TNIK: variants seen among roughly 807,000 people sequenced by gnomAD.
The protein encoded by TNIK is TRAF2 and NCK-interacting protein kinase.
Under a neutral mutation model 191.3 loss-of-function variants are expected in TNIK, and 49 were observed. That is an observed-to-expected ratio of 0.26 (90% confidence interval 0.20 to 0.32). The LOEUF (loss-of-function observed/expected upper bound fraction) is 0.32. Among genes scored for constraint, TNIK ranks in the 10% least tolerant of loss-of-function variants. The pLI, the probability that TNIK is intolerant of heterozygous loss-of-function variation, is 1.00. For missense variants in TNIK, 1,155 were observed against 1,702.3 expected, an observed-to-expected ratio of 0.68 and a Z score of 5.66; for synonymous variants, 594 against 600.9, an observed-to-expected ratio of 0.99 and a Z score of 0.17.
At chr3:171,421,793 G>A (rs915125037) in intron 1 of TNIK, among the ~76,000 whole-genome samples, 17 of 134,898 alleles carry the variant, frequency 1.3e-4, no homozygotes, top group East Asian at 4.6e-4. Context: ...CTACAATGGC[G>A]CAATCTCAGC....
chr3:171,420,265 T>C (rs949600725), intron 1 of TNIK, among the ~76,000 whole-genome samples: 5 of 152,222 alleles, frequency 3.3e-5, no homozygotes, highest in Non-Finnish European at 7.3e-5. Flanking sequence ...TTCAAGCATC[T>C]AGTCCTAAAC....
intron 15 of TNIK, among the ~76,000 whole-genome samples, chr3:171,135,473 C>T (rs1417694016): frequency 6.6e-6 from 1 of 152,212 alleles, no homozygotes; most frequent in African/African-American, 2.4e-5. Flanking sequence ...CTTCTATCAA[C>T]TAAATGTTTC....
At chr3:171,349,196 C>T (rs1712743825) in intron 2 of TNIK, among the ~76,000 whole-genome samples, 7 of 152,112 alleles carry the variant, frequency 4.6e-5, no homozygotes. Flanking sequence ...CCAGAACTTC[C>T]ACCACCAATC....
chr3:171,169,883 G>C (rs1343974305), intron 9 of TNIK, among the ~76,000 whole-genome samples: 1 of 152,190 alleles, frequency 6.6e-6, no homozygotes, highest in South Asian at 2.1e-4. Context: ...TACAAAGCTG[G>C]TAATATATTT....
At chr3:171,421,460 C>A (rs1003177079) in intron 1 of TNIK, among the ~76,000 whole-genome samples, 4 of 152,198 alleles carry the variant, frequency 2.6e-5, no homozygotes, top group Admixed American at 2.0e-4. Flanking sequence ...TATAAGGGAG[C>A]TGTGATCCAA....
At chr3:171,085,948 C>A (rs1055208509) in intron 24 of TNIK, among the ~76,000 whole-genome samples, 1 of 152,084 alleles carries the variant, frequency 6.6e-6, no homozygotes, top group African/African-American at 2.4e-5. Flanking sequence ...AACATGATGT[C>A]AGAAGGAGAT....
intron 1 of TNIK, among the ~76,000 whole-genome samples, chr3:171,421,875 G>T (rs1054801628): frequency 1.3e-5 from 2 of 151,778 alleles, no homozygotes; most frequent in Non-Finnish European, 1.5e-5. Context: ...GGGACTACAG[G>T]TGCGTGACAT....
At chr3:171,148,008 C>T (rs1731874669) in intron 12 of TNIK, among the ~76,000 whole-genome samples, 1 of 151,916 alleles carries the variant, frequency 6.6e-6, no homozygotes, top group Admixed American at 6.6e-5. Context: ...CCATAGCTTT[C>T]CCAATGTTCT....
rs763128631 is a variant in TNIK, at chr3:171,087,550, A to T, written c.2722-44T>A. On this transcript the variant is annotated intron_variant, in intron 23 of 32. Coordinates refer to ENST00000436636, the MANE Select transcript of TNIK (RefSeq NM_015028.4). ...TGGGAGGAGTTAGAGAGGGGGGAAA[A>T]AGGCCACAGAGTGACATCAGCCCTC... is the stretch of plus-strand genomic sequence containing the variant. 7 of 1,600,114 alleles carry T rather than the reference A, an allele frequency of 4.4e-6. No homozygotes were observed. In the African/African-American group the frequency reaches 9.4e-5, roughly 21 times the overall value.
chr3:171,218,526 A>AG (rs1741739324), intron 3 of TNIK, among the ~76,000 whole-genome samples: 1 of 148,938 alleles, frequency 6.7e-6, no homozygotes, highest in Non-Finnish European at 1.5e-5. Flanking sequence ...AATTGGAATG[A>AG]GTTTTTTTTT....
intron 1 of TNIK, among the ~76,000 whole-genome samples, chr3:171,373,843 C>T (rs983725754): frequency 1.3e-5 from 2 of 152,180 alleles, no homozygotes; most frequent in Non-Finnish European, 2.9e-5. Context: ...TTGCTGCCTC[C>T]TTTCTGAAGC....
intron 1 of TNIK, among the ~76,000 whole-genome samples, chr3:171,412,154 C>A (rs1194530956): frequency 6.6e-6 from 1 of 152,130 alleles, no homozygotes; most frequent in African/African-American, 2.4e-5. Flanking sequence ...GCAGTTCGTC[C>A]CTGTTCAAGA....
chr3:171,108,462 A>T (rs1725323916), intron 19 of TNIK, among the ~76,000 whole-genome samples: 1 of 152,212 alleles, frequency 6.6e-6, no homozygotes, highest in Non-Finnish European at 1.5e-5. Context: ...CATGTCAATT[A>T]TCTCATTTAA....
intron 1 of TNIK, among the ~76,000 whole-genome samples, chr3:171,381,719 G>C (rs1718052953): frequency 6.6e-6 from 1 of 152,162 alleles, no homozygotes; most frequent in East Asian, 1.9e-4. Flanking sequence ...CTGGCCAATG[G>C]TATGTAAGCA....
At chr3:171,121,690 T>C (rs1576884886) in intron 18 of TNIK, among the ~76,000 whole-genome samples, 1 of 152,232 alleles carries the variant, frequency 6.6e-6, no homozygotes, top group Non-Finnish European at 1.5e-5. Context: ...GTGATTATAT[T>C]GTGCAGCAAA....
At chr3:171,248,610 G>A (rs932242856) in intron 2 of TNIK, among the ~76,000 whole-genome samples, 1 of 152,180 alleles carries the variant, frequency 6.6e-6, no homozygotes, top group African/African-American at 2.4e-5. Flanking sequence ...GGGTGTGAGG[G>A]AGTACAGGCT....
chr3:171,167,270 C>A lies in TNIK; in HGVS notation c.774G>T (p.Trp258Cys). The A allele has an allele frequency of 1.2e-6, 2 of 1,609,990 alleles. No individual in the cohort carries two copies. The highest frequency in any genetic ancestry group is 1.7e-5 in the Admixed American group (1 of 59,660). The change falls in exon 10 of 33, where the codon TGG becomes TGT. Residue 258 changes from tryptophan to cysteine, a missense_variant and splice_region_variant. Transcript: ENST00000436636. ...CAATAAATGACTGGAATTTTTTTGA[C>A]CTGCCAAACAAAAGAAATGAATCCA... ...NPAPRLKSKK[W>C]SKKFQSFIES...
intron 2 of TNIK, among the ~76,000 whole-genome samples, chr3:171,328,196 C>G (rs1044110018): frequency 2.0e-4 from 30 of 152,212 alleles, no homozygotes; most frequent in African/African-American, 7.0e-4. Context: ...AAGCCATTAC[C>G]CTTGTGAGGA....
chr3:171,196,701 C>T (rs555402185), intron 4 of TNIK, among the ~76,000 whole-genome samples: 8 of 152,274 alleles, frequency 5.3e-5, no homozygotes, highest in Admixed American at 3.3e-4. Context: ...AAGATATACA[C>T]ATTTTGAGAT....
Sources: gnomAD v4.1 joint callset for allele counts (sites outside exome capture counted in the v4.1 genomes callset) on GRCh38, gnomAD v4.1.1 for gene constraint, MANE v1.5 for transcripts, NCBI Gene and HGNC (gene_info 2026-07-23, HGNC 2026-07-21) for gene names.